The following ADAM19 variants were observed in gnomAD, a reference collection of about 807,000 sequenced individuals.
ADAM19 encodes the protein ADAM metallopeptidase domain 19.
A neutral mutation model predicts 114.7 loss-of-function variants in ADAM19; 65 were observed. That is an observed-to-expected ratio of 0.57 (90% CI 0.46 to 0.70). The LOEUF is 0.70. Among genes scored for constraint, ADAM19 ranks in the 30% least tolerant of loss-of-function variants. ADAM19 has a pLI of 0.00. For missense variants in ADAM19, 1,063 were observed against 1,204.7 expected (o/e 0.88, Z 1.74); for synonymous variants, 466 against 460.5 (o/e 1.01, Z -0.15).
intron 4 of ADAM19, among the ~76,000 whole-genome samples, chr5:157,533,389 C>G (rs1756676704): frequency 6.6e-6 from 1 of 152,210 alleles, no homozygotes; most frequent in Non-Finnish European, 1.5e-5. Context: ...CAAAACCCTC[C>G]TCCTGGCCAG....
At chr5:157,496,845 C>T in intron 14 of ADAM19, 49 bp downstream of exon 14, 1 of 1,480,602 alleles carries the variant, frequency 6.8e-7, no homozygotes, top group Non-Finnish European at 8.9e-7. Context: ...GGGAGGCTGG[C>T]TGGGAAGTGG....
chr5:157,501,678 TG>T (rs1408902282), intron 12 of ADAM19, among the ~76,000 whole-genome samples: 1 of 152,092 alleles, frequency 6.6e-6, no homozygotes, highest in African/African-American at 2.4e-5. Context: ...CTCATGGTGG[TG>T]GGGGTGGCAT....
In ADAM19 at chr5:157,477,889, TCA is replaced by T. The variant is rs1433220735; in HGVS notation, c.*3058_*3059del. 6 of 400,742 alleles carry T rather than the reference TCA, an allele frequency of 1.5e-5. No individual in the cohort carries two copies. In the East Asian group the frequency reaches 4.4e-4, roughly 30 times the overall value. 24.8% of individuals were successfully genotyped at this position (400,742 alleles called of 1,614,324 possible). On this transcript the variant is annotated 3_prime_UTR_variant, in exon 23 of 23. Coordinates refer to ENST00000257527, the MANE Select transcript of ADAM19 (RefSeq NM_033274.5). ...ACTCCAACCAGAAAATCAGCAAGTC[TCA>T]GACCTTAAGATCTGCAAGTGTCTCA...
intron 12 of ADAM19, among the ~76,000 whole-genome samples, chr5:157,501,623 A>C (rs1755564839): frequency 6.6e-6 from 1 of 152,136 alleles, no homozygotes; most frequent in South Asian, 2.1e-4. Context: ...CTCCATGTTC[A>C]TACCACTCCC....
intron 3 of ADAM19, among the ~76,000 whole-genome samples, chr5:157,554,561 T>C (rs540418267): frequency 1.3e-5 from 2 of 152,352 alleles, no homozygotes; most frequent in African/African-American, 4.8e-5. Context: ...TAGGTCAAAC[T>C]GGGCATCGCT....
In ADAM19 at chr5:157,479,312, T is replaced by C. The variant is rs1055418122; in HGVS notation, c.*1637A>G. On this transcript the variant is annotated 3_prime_UTR_variant, in exon 23 of 23. Coordinates refer to ENST00000257527, the MANE Select transcript of ADAM19 (RefSeq NM_033274.5). ...AGCACCTATTGTGTGCAGAGAACTA[T>C]AAGGAGGCCCTGGGGTGGTGAATCA... is the stretch of plus-strand genomic sequence containing the variant. 3 of 985,784 alleles carry C rather than the reference T, an allele frequency of 3.0e-6. No homozygotes were observed. Among genetic ancestry groups the C allele is most frequent in the Admixed American group, 1.2e-4 (2 of 16,260 alleles). The allele number at this position is 985,784 out of a possible 1,614,324, so 61.1% of individuals were successfully genotyped here.
At chr5:157,533,801 T>C (rs1299488126) in intron 4 of ADAM19, among the ~76,000 whole-genome samples, 1 of 151,770 alleles carries the variant, frequency 6.6e-6, no homozygotes, top group Non-Finnish European at 1.5e-5. Flanking sequence ...AACCCTGTCT[T>C]TACTAAATAT....
At chr5:157,534,953 C>G (rs914322207) in intron 4 of ADAM19, among the ~76,000 whole-genome samples, 1 of 152,186 alleles carries the variant, frequency 6.6e-6, no homozygotes, top group Non-Finnish European at 1.5e-5. Context: ...ACAAAGGAGA[C>G]AAGTTCTAGC....
chr5:157,492,749 T>C (rs1475424500), intron 16 of ADAM19, among the ~76,000 whole-genome samples: 1 of 152,182 alleles, frequency 6.6e-6, no homozygotes, highest in Non-Finnish European at 1.5e-5. Flanking sequence ...AAAGTGGCAC[T>C]AGCTAGGCCA....
At chr5:157,488,786 T>C (rs1463143009) in intron 20 of ADAM19, among the ~76,000 whole-genome samples, 1 of 151,936 alleles carries the variant, frequency 6.6e-6, no homozygotes, top group Non-Finnish European at 1.5e-5. Context: ...AATCCCAGCA[T>C]TTTGGGAGGC....
At chr5:157,554,402 C>A (rs868530269) in intron 3 of ADAM19, among the ~76,000 whole-genome samples, 5 of 152,338 alleles carry the variant, frequency 3.3e-5, no homozygotes, top group African/African-American at 1.2e-4. Flanking sequence ...GCCCTGGCTG[C>A]GGATCCCTGG....
At chr5:157,519,800 C>T in intron 6 of ADAM19, 39 bp downstream of exon 6, 1 of 1,566,168 alleles carries the variant, frequency 6.4e-7, no homozygotes, top group Non-Finnish European at 8.7e-7. Flanking sequence ...ACAAGCCTGT[C>T]CCCAGGTTGA....
At chr5:157,571,786 G>A (rs1193048089) in intron 1 of ADAM19, among the ~76,000 whole-genome samples, 3 of 152,070 alleles carry the variant, frequency 2.0e-5, no homozygotes, top group Admixed American at 6.5e-5. Flanking sequence ...GGAATGAAGC[G>A]GTGGGATTCT....
In ADAM19 at chr5:157,513,480, T is replaced by C; in HGVS notation, c.692A>G (p.Asp231Gly). Residue 231 changes from aspartate to glycine, a missense_variant, in exon 8 of 23, where the codon GAC becomes GGC. Around this residue, in one of 3 missense-constraint regions of ADAM19, gnomAD observed 615 missense variants for 706.3 expected, o/e 0.87. Transcript: ENST00000257527. ...CTCTATGAGCTTGTGTTTGGTGGCG[T>C]CCTGGTCTCGTCGATTCTTCTGAAA... ...LEFQKNRRDQDATKHKLIEIA... is the reference protein window; with the variant it reads ...LEFQKNRRDQGATKHKLIEIA... 1 of 1,614,076 alleles carries C rather than the reference T, an allele frequency of 6.2e-7. No individual in the cohort carries two copies. The highest frequency in any genetic ancestry group is 8.5e-7 in the Non-Finnish European group (1 of 1,179,950).
chr5:157,518,475 C>A (rs11466765), intron 7 of ADAM19, among the ~76,000 whole-genome samples: 179 of 152,320 alleles, frequency 1.2e-3, no homozygotes, highest in African/African-American at 4.0e-3. Flanking sequence ...ACCTCCGCCT[C>A]CCAGGTTCAG....
rs1416564519 is a variant in ADAM19, at chr5:157,558,524, T to G, written c.251+5849A>C. 2.0e-5 allele frequency among the ~76,000 whole-genome samples: 3 copies of G among 152,200 alleles called. No homozygotes were observed. In the East Asian group the frequency reaches 5.8e-4, roughly 29 times the overall value. ...AGTGAAGCATGGTTTACTAAGAGCA[T>G]TGGGATACCATCTAAGCCTTTCTAA... On this transcript the variant is annotated intron_variant, in intron 3 of 22. Transcript: ENST00000257527.
In ADAM19 at chr5:157,480,134, T is replaced by C. The variant is rs983252745; in HGVS notation, c.*815A>G. 6.1e-6 allele frequency: 6 copies of C among 985,470 alleles called. No homozygotes were observed. The highest frequency in any genetic ancestry group is 5.3e-5 in the African/African-American group (3 of 57,058). The allele number at this position is 985,470 out of a possible 1,614,324, so 61.0% of individuals were successfully genotyped here. ...AAAGCACCACACATTAGAGGGAGAA[T>C]GAGAGGGGAAGGAAGAGAGAAAAGC... On this transcript the variant is annotated 3_prime_UTR_variant, in exon 23 of 23. Transcript: ENST00000257527.
rs1756508240 is a variant in ADAM19, at chr5:157,527,561, AC to A, written c.407+3245del. On this transcript the variant is annotated intron_variant, in intron 5 of 22. Coordinates refer to ENST00000257527, the MANE Select transcript of ADAM19 (RefSeq NM_033274.5). ...ATCTTGTAAGAACTCCCTCACTATC[AC>A]CAGAACAGCATGGGGAGACTGCTCC... 4.6e-5 allele frequency among the ~76,000 whole-genome samples: 7 copies of A among 152,260 alleles called. No homozygotes were observed. The South Asian group carries it at 1.4e-3, about 32-fold the overall frequency.
intron 7 of ADAM19, among the ~76,000 whole-genome samples, chr5:157,518,597 T>C (rs577097759): frequency 6.6e-6 from 1 of 152,348 alleles, no homozygotes; most frequent in East Asian, 1.9e-4. Flanking sequence ...TTGGCCAGGC[T>C]GGTCTCAAAC....
Sources: allele counts gnomAD v4.1 joint callset (sites outside exome capture counted in the v4.1 genomes callset), GRCh38; gene constraint gnomAD v4.1.1; regional missense constraint gnomAD v4.1.1; transcripts MANE v1.5; gene names NCBI Gene and HGNC (gene_info 2026-07-23, HGNC 2026-07-21).